Variants in CACNA2D1 observed in about 807,000 individuals in gnomAD.
The protein encoded by CACNA2D1 is calcium voltage-gated channel auxiliary subunit alpha2delta 1.
A neutral mutation model predicts 171.5 loss-of-function variants in CACNA2D1; 53 were observed. The observed-to-expected ratio is 0.31, with a 90% CI of 0.25 to 0.39. CACNA2D1 has a LOEUF of 0.39. CACNA2D1 is among the 10% of genes least tolerant of loss of function. The pLI, the probability that CACNA2D1 is intolerant of heterozygous loss-of-function variation, is 1.00. For synonymous variants in CACNA2D1, 442 were observed against 443.1 expected, an observed-to-expected ratio of 1.00 and a Z score of 0.03; for missense variants, 903 against 1,299.8, an observed-to-expected ratio of 0.69 and a Z score of 4.69.
intron 3 of CACNA2D1, among the ~76,000 whole-genome samples, chr7:82,320,663 C>T (rs1247092201): frequency 6.6e-6 from 1 of 151,108 alleles, no homozygotes; most frequent in Admixed American, 6.6e-5. Flanking sequence ...AATCCTCCTG[C>T]CTCAGCCTCC....
chr7:82,145,430 T>C lies in CACNA2D1; in HGVS notation c.355-8754A>G, dbSNP rs1202379015. Among the ~76,000 whole-genome samples the C allele has an allele frequency of 4.2e-5, 6 of 142,164 alleles. No homozygotes were observed. The Admixed American group carries it at 4.4e-4, about 10-fold the overall frequency. The allele number at this position is 142,164 out of a possible 152,430, so 93.3% of individuals were successfully genotyped here. A position where few individuals can be genotyped will look rare whatever the true frequency, so the allele number is the denominator to read the frequency against. On this transcript the variant is annotated intron_variant, in intron 4 of 38. Transcript: ENST00000356860. ...CATATTATATATTATGTAAATTATA[T>C]ATAAATTACATGTATAATTTTTATA...
intron 6 of CACNA2D1, among the ~76,000 whole-genome samples, chr7:82,111,441 T>TTC (rs1563065528): frequency 5.8e-5 from 6 of 103,852 alleles, no homozygotes; most frequent in South Asian, 6.0e-4. Flanking sequence ...TATATATATA[T>TTC]ATATTTTTTT....
intron 1 of CACNA2D1, among the ~76,000 whole-genome samples, chr7:82,413,843 T>C (rs1345091355): frequency 6.6e-6 from 1 of 152,092 alleles, no homozygotes; most frequent in Non-Finnish European, 1.5e-5. Context: ...CACACATATA[T>C]ACTCACTAAT....
rs369960868 is a variant in CACNA2D1, at chr7:82,235,880, A to G, written c.295-65271T>C. Among the ~76,000 whole-genome samples, 22 of 152,176 alleles carry G rather than the reference A, an allele frequency of 1.4e-4. No individual in the cohort carries two copies. In the East Asian group the frequency reaches 1.6e-3, roughly 11 times the overall value. ...ATGTTACAGTGTATGAACCCCAGTAATGTCTCTGTACTAAGGAAATGGATA... is the reference window on the plus strand; with the variant it reads ...ATGTTACAGTGTATGAACCCCAGTAGTGTCTCTGTACTAAGGAAATGGATA... On this transcript the variant is annotated intron_variant, in intron 3 of 38. Transcript: ENST00000356860.
At position 82,053,727 on chromosome 7, in the gene CACNA2D1, C is replaced by T. The variant is rs537808521; in HGVS notation, c.879+6701G>A. ...TATCTTTTAAGTTCCATTAATTGTGCGTGTTTCAATATTACTTTTCTGCCC... is the reference window on the plus strand; with the variant it reads ...TATCTTTTAAGTTCCATTAATTGTGTGTGTTTCAATATTACTTTTCTGCCC... On this transcript the variant is annotated intron_variant, in intron 10 of 38. Transcript: ENST00000356860. Among the ~76,000 whole-genome samples, 14 of 152,188 alleles carry T rather than the reference C, an allele frequency of 9.2e-5. 1 individual carries two copies. In the East Asian group the frequency reaches 1.9e-3, roughly 21 times the overall value.
In CACNA2D1 at chr7:82,432,037, T is replaced by TAAAAAAAAAAAA. The variant is rs34180150; in HGVS notation, c.95+11316_95+11327dup. Among the ~76,000 whole-genome samples the TAAAAAAAAAAAA allele has an allele frequency of 2.8e-4, 23 of 82,212 alleles. 2 individuals are homozygous for TAAAAAAAAAAAA. Among genetic ancestry groups the TAAAAAAAAAAAA allele is most frequent in the African/African-American group, 6.1e-4 (8 of 13,090 alleles). 53.9% of individuals were successfully genotyped at this position (82,212 alleles called of 152,430 possible). ...TGGGCAACAGAACAAGACTCTGTCT[T>TAAAAAAAAAAAA]AAAAAAAAAAAAAAAAAAAAATTGG... On this transcript the variant is annotated intron_variant, in intron 1 of 38. Transcript: ENST00000356860.
chr7:82,008,267 T>C (rs1351527202), intron 15 of CACNA2D1, among the ~76,000 whole-genome samples: 1 of 152,276 alleles, frequency 6.6e-6, no homozygotes, highest in African/African-American at 2.4e-5. Context: ...AAACATTCTA[T>C]TGATACTGCA....
chr7:82,050,182 A>C (rs1805027670), intron 10 of CACNA2D1, among the ~76,000 whole-genome samples: 1 of 152,214 alleles, frequency 6.6e-6, no homozygotes, highest in Non-Finnish European at 1.5e-5. Flanking sequence ...TACACAGTGC[A>C]ACTCCATATT....
intron 10 of CACNA2D1, among the ~76,000 whole-genome samples, chr7:82,041,058 G>A (rs1303049368): frequency 6.8e-6 from 1 of 146,456 alleles, no homozygotes; most frequent in East Asian, 2.0e-4. Flanking sequence ...GGTTGGGGGG[G>A]TGGGGAGGGC....
intron 7 of CACNA2D1, among the ~76,000 whole-genome samples, chr7:82,077,489 G>A (rs1486583301): frequency 6.6e-6 from 1 of 151,952 alleles, no homozygotes; most frequent in Non-Finnish European, 1.5e-5. Context: ...AGATCTGGGT[G>A]CAGACCCCTT....
Position 82,060,431 on chromosome 7 carries a change from A to T in CACNA2D1, c.876T>A (p.Ala292=), listed in dbSNP as rs1428397543. Residue 292 remains alanine (A), a synonymous_variant, in exon 10 of 39, where the codon GCT becomes GCA. Transcript: ENST00000356860. ...AATGCAGTCATCTTATACTTACTGA[A>T]GCTACATTCACGAAATCATCATCTG... The part of the protein sequence containing the change: ...TLSDDDFVNV[A]SFNSNAQDVS... 1.3e-6 allele frequency: 2 copies of T among 1,596,418 alleles called. No homozygotes were observed. Among genetic ancestry groups the T allele is most frequent in the Non-Finnish European group, 1.7e-6 (2 of 1,166,998 alleles).
At chr7:82,370,540 T>G (rs1563443303) in intron 1 of CACNA2D1, among the ~76,000 whole-genome samples, 1 of 151,500 alleles carries the variant, frequency 6.6e-6, no homozygotes, top group Non-Finnish European at 1.5e-5. Context: ...AAGAGATAGG[T>G]AAATGGAGGG....
chr7:82,347,327 G>A lies in CACNA2D1; in HGVS notation c.177+2241C>T, dbSNP rs376624354. Reference sequence around the variant, plus strand: ...AGGGTCTCACTCTGAAGCCCAGGCCGCAGTGCAGTGGCATGATCACCAAAA... The same window carrying A: ...AGGGTCTCACTCTGAAGCCCAGGCCACAGTGCAGTGGCATGATCACCAAAA... On this transcript the variant is annotated intron_variant, in intron 2 of 38. Transcript: ENST00000356860. Among the ~76,000 whole-genome samples, 1,073 of 151,990 alleles carry A rather than the reference G, an allele frequency of 7.1e-3. 15 individuals are homozygous for A. The highest frequency in any genetic ancestry group is 0.025 in the African/African-American group (1,030 of 41,466).
intron 32 of CACNA2D1, among the ~76,000 whole-genome samples, chr7:81,964,872 C>T (rs927133881): frequency 2.6e-5 from 4 of 151,884 alleles, no homozygotes; most frequent in African/African-American, 9.7e-5. Flanking sequence ...GCAGTAATCA[C>T]TTAACTATGC....
At chr7:82,427,762 AAT>A in intron 1 of CACNA2D1, among the ~76,000 whole-genome samples, 1 of 152,314 alleles carries the variant, frequency 6.6e-6, no homozygotes, top group African/African-American at 2.4e-5. Flanking sequence ...CAAAAGCATC[AAT>A]TTTTTAATGC....
intron 3 of CACNA2D1, among the ~76,000 whole-genome samples, chr7:82,202,715 AG>A (rs1195936948): frequency 6.6e-6 from 1 of 152,008 alleles, no homozygotes; most frequent in African/African-American, 2.4e-5. Flanking sequence ...AAGGTATTAG[AG>A]GTTGCTGTGA....
At chr7:82,137,994 A>T (rs1462130608) in intron 4 of CACNA2D1, among the ~76,000 whole-genome samples, 1 of 152,212 alleles carries the variant, frequency 6.6e-6, no homozygotes, top group African/African-American at 2.4e-5. Context: ...TACTTCTTCA[A>T]GATATTAATG....
At chr7:81,952,189 CAT>C (rs1792684039) in intron 38 of CACNA2D1, among the ~76,000 whole-genome samples, 2 of 151,324 alleles carry the variant, frequency 1.3e-5, no homozygotes, top group South Asian at 4.2e-4. Context: ...TTTGAAAGAC[CAT>C]ATATTTAAAC....
intron 3 of CACNA2D1, among the ~76,000 whole-genome samples, chr7:82,279,021 C>T (rs931773565): frequency 9.2e-5 from 14 of 152,312 alleles, no homozygotes; most frequent in Admixed American, 7.2e-4. Flanking sequence ...AACCTTCCCT[C>T]AGCCACCCAT....
Sources: gnomAD v4.1 joint callset for allele counts (sites outside exome capture counted in the v4.1 genomes callset) on GRCh38, gnomAD v4.1.1 for gene constraint, MANE v1.5 for transcripts, NCBI Gene and HGNC (gene_info 2026-07-23, HGNC 2026-07-21) for gene names.